The following TSPAN18 variants were observed in gnomAD, a reference collection of about 807,000 sequenced individuals.
TSPAN18 encodes tetraspanin-18.
A neutral mutation model predicts 27.3 loss-of-function variants in TSPAN18; 14 were observed. The observed-to-expected ratio is 0.51, with a 90% CI of 0.34 to 0.80. The LOEUF (loss-of-function observed/expected upper bound fraction) is 0.80, where lower values mean the gene tolerates loss of function less well. TSPAN18 is among the 30% of genes least tolerant of loss of function. The pLI is 0.01. For synonymous variants in TSPAN18, 143 were observed against 136.5 expected, an observed-to-expected ratio of 1.05 and a Z score of -0.33; for missense variants, 268 against 323.9, an observed-to-expected ratio of 0.83 and a Z score of 1.32.
At chr11:44,773,687 G>A (rs933498315) in intron 2 of TSPAN18, among the ~76,000 whole-genome samples, 11 of 152,150 alleles carry the variant, frequency 7.2e-5, no homozygotes, top group Admixed American at 5.2e-4. Flanking sequence ...GTTGCTGTGG[G>A]GGGATGGGAT....
intron 1 of TSPAN18, among the ~76,000 whole-genome samples, chr11:44,728,127 C>G (rs771034953): frequency 5.3e-5 from 8 of 152,120 alleles, no homozygotes; most frequent in Non-Finnish European, 1.0e-4. Context: ...CGCGGGGTCC[C>G]GCCCCGAGGA....
At position 44,763,873 on chromosome 11, in the gene TSPAN18, T is replaced by G. The variant is rs879662091; in HGVS notation, c.-239-553T>G. Reference sequence around the variant, plus strand: ...CTGTATTAGTCCATTCTTGCACTGCTGTAAAGAAATACCTGAGACTGGGTA... The same window carrying G: ...CTGTATTAGTCCATTCTTGCACTGCGGTAAAGAAATACCTGAGACTGGGTA... On this transcript the variant is annotated intron_variant, in intron 1 of 9. Coordinates refer to ENST00000520358, the MANE Select transcript of TSPAN18 (RefSeq NM_130783.5). Among the ~76,000 whole-genome samples, 5 of 152,274 alleles carry G rather than the reference T, an allele frequency of 3.3e-5. No individual in the cohort carries two copies. The East Asian group carries it at 9.7e-4, about 29-fold the overall frequency.
intron 2 of TSPAN18, among the ~76,000 whole-genome samples, chr11:44,831,212 G>C (rs1421496792): frequency 6.6e-6 from 1 of 152,150 alleles, no homozygotes; most frequent in African/African-American, 2.4e-5. Context: ...CTTCAACTCT[G>C]GTTTAGGGTC....
intron 2 of TSPAN18, among the ~76,000 whole-genome samples, chr11:44,858,154 CCTTT>C (rs1443764889): frequency 6.6e-6 from 1 of 152,168 alleles, no homozygotes; most frequent in African/African-American, 2.4e-5. Flanking sequence ...GACCATGGGA[CCTTT>C]CTATCTCATT....
At chr11:44,781,143 G>T (rs1330979552) in intron 2 of TSPAN18, among the ~76,000 whole-genome samples, 1 of 152,232 alleles carries the variant, frequency 6.6e-6, no homozygotes, top group African/African-American at 2.4e-5. Flanking sequence ...TTGCTGGAGG[G>T]CCCTGGCCAG....
chr11:44,806,292 C>T (rs1354248711), intron 2 of TSPAN18, among the ~76,000 whole-genome samples: 1 of 152,192 alleles, frequency 6.6e-6, no homozygotes, highest in Non-Finnish European at 1.5e-5. Flanking sequence ...GCCTCAGCCT[C>T]CCAAAGTGCT....
intron 2 of TSPAN18, among the ~76,000 whole-genome samples, chr11:44,792,494 G>T (rs1590477258): frequency 6.6e-6 from 1 of 152,186 alleles, no homozygotes; most frequent in African/African-American, 2.4e-5. Flanking sequence ...CTTGCTGACT[G>T]CCTGGCACAC....
intron 2 of TSPAN18, among the ~76,000 whole-genome samples, chr11:44,835,649 C>T (rs983980611): frequency 6.6e-5 from 10 of 150,892 alleles, no homozygotes; most frequent in African/African-American, 2.0e-4. Flanking sequence ...GGATAGGGGG[C>T]GGTGGTAGCA....
intron 2 of TSPAN18, among the ~76,000 whole-genome samples, chr11:44,819,282 A>AT (rs1856877899): frequency 6.6e-6 from 1 of 152,158 alleles, no homozygotes; most frequent in Non-Finnish European, 1.5e-5. Context: ...CTGAGTGCTA[A>AT]TGAGAGGAGC....
chr11:44,763,363 C>T (rs1855496611), intron 1 of TSPAN18, among the ~76,000 whole-genome samples: 1 of 152,102 alleles, frequency 6.6e-6, no homozygotes, highest in Non-Finnish European at 1.5e-5. Flanking sequence ...GTGGCCTGGA[C>T]ATGGTGAATT....
Position 44,928,792 on chromosome 11 carries a change from G to GAA in TSPAN18, c.700-330_700-329dup, listed in dbSNP as rs5791658. On this transcript the variant is annotated intron_variant, in intron 9 of 9. Coordinates refer to ENST00000520358, the MANE Select transcript of TSPAN18 (RefSeq NM_130783.5). ...CAGAGTGAGACTCTGTCTCAAAAAA[G>GAA]AAAAAAAAAACTGTGCCTGGCACAT... Among the ~76,000 whole-genome samples, 627 of 149,804 alleles carry GAA rather than the reference G, an allele frequency of 4.2e-3. 1 individual carries two copies. Among genetic ancestry groups the GAA allele is most frequent in the Non-Finnish European group, 7.2e-3 (482 of 67,372 alleles).
At position 44,926,744 on chromosome 11, in the gene TSPAN18, T is replaced by C. The variant is rs1278587480; in HGVS notation, c.686T>C (p.Val229Ala). ...VYLAGALAIG[V>A]LAIELFAMIF... ...TTGGCCGGAGCCCTTGCCATCGGGG[T>C]ACTGGCCATCGAGGTAAGTAAAGGC... is the stretch of plus-strand genomic sequence containing the variant. The change falls in exon 9 of 10, where the codon GTA becomes GCA. Residue 229 changes from valine to alanine, a missense_variant. Coordinates refer to ENST00000520358, the MANE Select transcript of TSPAN18 (RefSeq NM_130783.5). 6.2e-7 allele frequency: 1 copy of C among 1,614,112 alleles called. No homozygotes were observed.
intron 6 of TSPAN18, 53 bp from the exon 7 acceptor site, chr11:44,919,160 TG>T: frequency 7.1e-7 from 1 of 1,401,258 alleles, no homozygotes; most frequent in Non-Finnish European, 1.0e-6. Flanking sequence ...CGATGGAGGG[TG>T]GGGGCTGCAC....
At chr11:44,874,533 C>T (rs116570158) in intron 3 of TSPAN18, among the ~76,000 whole-genome samples, 1,802 of 152,328 alleles carry the variant, frequency 0.012, 29 homozygotes, top group African/African-American at 0.041. Flanking sequence ...TCCCAAGTCA[C>T]AGAGCAAGGA....
chr11:44,772,415 C>T (rs1443442102), intron 2 of TSPAN18, among the ~76,000 whole-genome samples: 2 of 71,186 alleles, frequency 2.8e-5, no homozygotes, highest in African/African-American at 1.0e-4. Flanking sequence ...AGTAAACAAC[C>T]GTTATGACAT....
At chr11:44,864,375 C>G (rs1395042732) in intron 3 of TSPAN18, among the ~76,000 whole-genome samples, 1 of 151,908 alleles carries the variant, frequency 6.6e-6, no homozygotes, top group Non-Finnish European at 1.5e-5. Context: ...GCTGCCTTAC[C>G]CAGAATCACA....
intron 1 of TSPAN18, among the ~76,000 whole-genome samples, chr11:44,754,031 C>T (rs1373206156): frequency 6.6e-6 from 1 of 152,116 alleles, no homozygotes; most frequent in Non-Finnish European, 1.5e-5. Flanking sequence ...CCTCCTAAAG[C>T]TTAGGAGGGA....
In TSPAN18 at chr11:44,930,815, G is replaced by A. The variant is rs11038221; in HGVS notation, c.*1637G>A. 2.1e-6 allele frequency: 1 copy of A among 481,682 alleles called. No homozygotes were observed. The highest frequency in any genetic ancestry group is 4.3e-6 in the Non-Finnish European group (1 of 233,118). 29.8% of individuals were successfully genotyped at this position (481,682 alleles called of 1,614,324 possible). A position where few individuals can be genotyped will look rare whatever the true frequency, so the allele number is the denominator to read the frequency against. On this transcript the variant is annotated 3_prime_UTR_variant, in exon 10 of 10. Transcript: ENST00000520358. The stretch of plus-strand genomic sequence containing the variant: ...TGTCTGCCACGGGCAGGGATGGAAG[G>A]AGCAGTGTGATGTCTGCTCTCTTCT...
chr11:44,879,008 C>T (rs931883125), intron 3 of TSPAN18, among the ~76,000 whole-genome samples: 2 of 152,214 alleles, frequency 1.3e-5, no homozygotes, highest in Admixed American at 1.3e-4. Context: ...ACGCGACCTG[C>T]GTAATCCCAC....
Sources: allele counts gnomAD v4.1 joint callset (sites outside exome capture counted in the v4.1 genomes callset), GRCh38; gene constraint gnomAD v4.1.1; transcripts MANE v1.5; gene names NCBI Gene and HGNC (gene_info 2026-07-23, HGNC 2026-07-21).